TPD52L1: variants seen among roughly 807,000 people sequenced by gnomAD.
TPD52L1 encodes TPD52 like 1.
Under a neutral mutation model 28.7 loss-of-function variants are expected in TPD52L1, and 18 were observed. That is an observed-to-expected ratio of 0.63 (90% CI 0.43 to 0.93). The LOEUF is 0.93. TPD52L1 is among the 40% of genes least tolerant of loss of function. The pLI is 0.00. For missense variants in TPD52L1, 203 were observed against 254.8 expected (o/e 0.80, Z 1.39); for synonymous variants, 75 against 88.8 (o/e 0.84, Z 0.88).
At chr6:125,248,577 AGGTGGCCT>A in intron 4 of TPD52L1, 194 bp downstream of exon 4, 1 of 545,688 alleles carries the variant, frequency 1.8e-6, no homozygotes, top group South Asian at 2.4e-5. Context: ...GGTCAGGCTT[AGGTGGCCT>A]GGTCCCAGAG....
chr6:125,186,770 A>C (rs1422715300), intron 1 of TPD52L1, among the ~76,000 whole-genome samples: 3 of 152,248 alleles, frequency 2.0e-5, no homozygotes, highest in African/African-American at 2.4e-5. Context: ...CCTCAGCCAC[A>C]GAAAAGTCAA....
chr6:125,192,324 T>A (rs1214836058), intron 1 of TPD52L1, among the ~76,000 whole-genome samples: 121 of 151,652 alleles, frequency 8.0e-4, no homozygotes, highest in African/African-American at 2.8e-3. Context: ...AAAAAATCTT[T>A]TTTTTTTTTT....
chr6:125,244,167 TA>T (rs1796783289), intron 3 of TPD52L1, among the ~76,000 whole-genome samples: 1 of 152,190 alleles, frequency 6.6e-6, no homozygotes, highest in South Asian at 2.1e-4. Context: ...CACTGCCTCT[TA>T]TGGAGTTGGA....
intron 6 of TPD52L1, chr6:125,261,672 T>TA (rs397746256): frequency 6.6e-6 from 1 of 151,858 alleles, no homozygotes; most frequent in Non-Finnish European, 1.5e-5. Context: ...ATGTTTTTTT[T>TA]CCTTTTTGTA....
At position 125,220,758 on chromosome 6, in the gene TPD52L1, C is replaced by T. The variant is rs192177434; in HGVS notation, c.135+565C>T. ...TGTGGAGCTGCTGTGGGGATCCGGA[C>T]CTAGGGAGGAGGAGGATGTCAGGCT... On this transcript the variant is annotated intron_variant, in intron 2 of 6. Coordinates refer to ENST00000534000, the MANE Select transcript of TPD52L1 (RefSeq NM_003287.4). 9.9e-5 allele frequency among the ~76,000 whole-genome samples: 15 copies of T among 152,230 alleles called. No individual in the cohort carries two copies. The East Asian group carries it at 2.9e-3, about 29-fold the overall frequency.
chr6:125,173,855 C>G (rs1237188361), intron 1 of TPD52L1, among the ~76,000 whole-genome samples: 1 of 152,096 alleles, frequency 6.6e-6, no homozygotes, highest in Non-Finnish European at 1.5e-5. Context: ...GTAATTTCTC[C>G]AATCTGAGAT....
chr6:125,198,730 G>A (rs1793602575), intron 1 of TPD52L1, among the ~76,000 whole-genome samples: 1 of 152,200 alleles, frequency 6.6e-6, no homozygotes, highest in Admixed American at 6.5e-5. Context: ...TGTGTCTGTT[G>A]AGCAGAGCTT....
chr6:125,218,114 T>C (rs1457985713), intron 1 of TPD52L1, among the ~76,000 whole-genome samples: 1 of 152,218 alleles, frequency 6.6e-6, no homozygotes, highest in Non-Finnish European at 1.5e-5. Flanking sequence ...ACAGTGGAAT[T>C]GCTAGGTTAT....
rs538176021 is a variant in TPD52L1, at chr6:125,243,185, A to G, written c.285-5097A>G. Among the ~76,000 whole-genome samples the G allele has an allele frequency of 7.9e-5, 12 of 152,334 alleles. No individual in the cohort carries two copies. The East Asian group carries it at 2.3e-3, about 29-fold the overall frequency. ...TGCTGATAAACCAGCTGTTAATCTG[A>G]TAGGTTTTCCTTAATAGGTTACCTG... On this transcript the variant is annotated intron_variant, in intron 3 of 6. Coordinates refer to ENST00000534000, the MANE Select transcript of TPD52L1 (RefSeq NM_003287.4).
chr6:125,200,576 C>T (rs971908161), intron 1 of TPD52L1, among the ~76,000 whole-genome samples: 1 of 152,158 alleles, frequency 6.6e-6, no homozygotes, highest in African/African-American at 2.4e-5. Flanking sequence ...CCAACCTCAC[C>T]CTTTTGCAGC....
At chr6:125,224,386 C>T (rs1795458841) in intron 2 of TPD52L1, among the ~76,000 whole-genome samples, 1 of 152,124 alleles carries the variant, frequency 6.6e-6, no homozygotes, top group South Asian at 2.1e-4. Context: ...TCCTCTTCCT[C>T]TGGTCTGTGC....
chr6:125,168,986 G>C (rs1254647386), intron 1 of TPD52L1, among the ~76,000 whole-genome samples: 1 of 152,080 alleles, frequency 6.6e-6, no homozygotes, highest in Non-Finnish European at 1.5e-5. Flanking sequence ...GCGCTTTCTT[G>C]CTCCCTCTTT....
intron 1 of TPD52L1, among the ~76,000 whole-genome samples, chr6:125,201,901 T>C (rs1326136335): frequency 6.6e-6 from 1 of 152,230 alleles, no homozygotes; most frequent in East Asian, 1.9e-4. Flanking sequence ...AGGATTTTTT[T>C]CCTGGGCATT....
At chr6:125,199,300 T>C (rs1793643237) in intron 1 of TPD52L1, among the ~76,000 whole-genome samples, 1 of 152,248 alleles carries the variant, frequency 6.6e-6, no homozygotes, top group Non-Finnish European at 1.5e-5. Flanking sequence ...TATGATTTAC[T>C]AAATAATTAT....
At chr6:125,177,192 T>A (rs147531702) in intron 1 of TPD52L1, among the ~76,000 whole-genome samples, 1 of 152,222 alleles carries the variant, frequency 6.6e-6, no homozygotes. Context: ...TAGCTCATCA[T>A]TGGCCATTTT....
chr6:125,205,477 G>A (rs138625884), intron 1 of TPD52L1, among the ~76,000 whole-genome samples: 30 of 152,292 alleles, frequency 2.0e-4, no homozygotes, highest in Admixed American at 1.2e-3. Context: ...GCACAAGCTA[G>A]GGATGGGACC....
intron 1 of TPD52L1, among the ~76,000 whole-genome samples, chr6:125,196,524 G>A (rs750141266): frequency 2.5e-4 from 38 of 152,268 alleles, no homozygotes; most frequent in African/African-American, 7.2e-4. Flanking sequence ...TTTAAGACAT[G>A]GACTACATTA....
In TPD52L1 at chr6:125,231,762, C is replaced by G. The variant is rs138881065; in HGVS notation, c.284+2496C>G. 2.0e-5 allele frequency among the ~76,000 whole-genome samples: 3 copies of G among 152,194 alleles called. No homozygotes were observed. In the East Asian group the frequency reaches 5.8e-4, roughly 29 times the overall value. The stretch of plus-strand genomic sequence containing the variant: ...CCAAGTGTGATGTCTAGGCCTTTGA[C>G]TTGGGCTACTGAGTGAGTGTTGGAA... On this transcript the variant is annotated intron_variant, in intron 3 of 6. Transcript: ENST00000534000.
chr6:125,260,972 GA>G lies in TPD52L1; in HGVS notation c.487-1859del, dbSNP rs1385679083. Reference sequence around the variant, plus strand: ...AGAAAGAAAGAAAGAAAGAAAGAAAGAAAGAAAAGAAAAGAAAGAAAGAAAG... The same window carrying G: ...AGAAAGAAAGAAAGAAAGAAAGAAAGAAGAAAAGAAAAGAAAGAAAGAAAG... On this transcript the variant is annotated intron_variant, in intron 6 of 6. Transcript: ENST00000534000. The G allele has an allele frequency of 5.1e-3, 262 of 51,270 alleles. 13 individuals carry two copies. Among genetic ancestry groups the G allele is most frequent in the African/African-American group, 0.036 (241 of 6,732 alleles). The allele number at this position is 51,270 out of a possible 1,614,324, so 3.2% of individuals were successfully genotyped here. A position where few individuals can be genotyped will look rare whatever the true frequency, so the allele number is the denominator to read the frequency against.
Sources: gnomAD v4.1 joint callset for allele counts (sites outside exome capture counted in the v4.1 genomes callset) on GRCh38, gnomAD v4.1.1 for gene constraint, MANE v1.5 for transcripts, NCBI Gene and HGNC (gene_info 2026-07-23, HGNC 2026-07-21) for gene names.